RRN3: variants seen among roughly 807,000 people sequenced by gnomAD.
RRN3 encodes the protein RNA polymerase I-specific transcription initiation factor RRN3.
In RRN3, 38 loss-of-function variants were observed where a neutral mutation model predicts 82.3. The ratio of observed to expected loss-of-function variants is 0.46; its 90% CI spans 0.36 to 0.61. The LOEUF is 0.61. Among genes scored for constraint, RRN3 ranks in the 20% least tolerant of loss-of-function variants. The pLI is 0.00. For synonymous variants in RRN3, 284 were observed against 284.3 expected (o/e 1.00, Z 0.01); for missense variants, 726 against 793.1 (o/e 0.92, Z 1.02).
rs1423623673 is a variant in RRN3 at position 15,073,078 on chromosome 16, T to C, written c.1000A>G (p.Lys334Glu). The C allele has an allele frequency of 1.9e-6, 3 of 1,604,208 alleles. No individual in the cohort carries two copies. In the African/African-American group the frequency reaches 4.0e-5, roughly 22 times the overall value. ...YMKDVCYVDG[K>E]VDNGKTKDLY... ...TCCTTTGTTTTGCCGTTATCAACCT[T>C]ACCTATGGAGAAAATCTGGCATCTC... Residue 334 changes from lysine to glutamate, a missense_variant and splice_region_variant, in exon 12 of 18, where the codon AAG becomes GAG. By Grantham distance (56) the Lys-to-Glu change is moderately conservative (BLOSUM62 1). Coordinates refer to ENST00000198767, the MANE Select transcript of RRN3 (RefSeq NM_018427.5).
intron 3 of RRN3, among the ~76,000 whole-genome samples, chr16:15,089,148 C>CA (rs1370590660): frequency 1.3e-5 from 2 of 151,734 alleles, no homozygotes; most frequent in Non-Finnish European, 2.9e-5. Context: ...ACTGAAAATA[C>CA]AAAAAAATTA....
intron 8 of RRN3, among the ~76,000 whole-genome samples, chr16:15,083,191 G>A (rs1047796241): frequency 6.6e-6 from 1 of 152,174 alleles, no homozygotes. Context: ...ACAAGGTCAG[G>A]CGTTCGATAC....
intron 3 of RRN3, among the ~76,000 whole-genome samples, chr16:15,090,293 T>C (rs1316532185): frequency 6.6e-6 from 1 of 151,072 alleles, no homozygotes; most frequent in African/African-American, 2.4e-5. Flanking sequence ...ATAAGAACAG[T>C]GGACTTAAAT....
chr16:15,088,922 T>A (rs1016362072), intron 3 of RRN3, among the ~76,000 whole-genome samples: 2 of 151,842 alleles, frequency 1.3e-5, no homozygotes, highest in Admixed American at 1.3e-4. Flanking sequence ...GAAAGCTCCA[T>A]GAAAGATGGA....
chr16:15,078,025 T>C (rs1412081099), intron 9 of RRN3, among the ~76,000 whole-genome samples: 3 of 152,212 alleles, frequency 2.0e-5, no homozygotes, highest in Non-Finnish European at 4.4e-5. Flanking sequence ...TGATGCAATA[T>C]TTATTTTGGT....
intron 8 of RRN3, among the ~76,000 whole-genome samples, chr16:15,080,923 G>A (rs536124009): frequency 2.3e-4 from 35 of 151,878 alleles, no homozygotes; most frequent in African/African-American, 8.0e-4. Context: ...TATCAATGGA[G>A]TCATACACAG....
chr16:15,077,312 A>G (rs2045501902), intron 9 of RRN3, among the ~76,000 whole-genome samples: 1 of 152,082 alleles, frequency 6.6e-6, no homozygotes, highest in African/African-American at 2.4e-5. Flanking sequence ...TCCTCCTGTA[A>G]GTCACACATG....
In RRN3 at chr16:15,086,190, T is replaced by C. The variant is rs1277439454; in HGVS notation, c.411A>G (p.Val137=). Residue 137 remains valine (V), a synonymous_variant, in exon 5 of 18, where the codon GTA becomes GTG. Transcript: ENST00000198767. The stretch of plus-strand genomic sequence containing the variant: ...GTCTGAGGAAAACAGTCTGTGCTGA[T>C]ACAAGATTACCAAGAAAAGCCAAAT... The part of the protein sequence containing the change: ...EEYLAFLGNL[V]SAQTVFLRPC... 14 of 1,595,218 alleles carry C rather than the reference T, an allele frequency of 8.8e-6. No homozygotes were observed. The highest frequency in any genetic ancestry group is 8.5e-5 in the Admixed American group (5 of 59,032).
At position 15,072,976 on chromosome 16, in the gene RRN3, T is replaced by C. The variant is rs2045299446; in HGVS notation, c.1102A>G (p.Met368Val). The change falls in exon 12 of 18, where the codon ATG becomes GTG. Residue 368 changes from methionine to valine, a missense_variant. By Grantham distance (21) the Met-to-Val change is conservative (BLOSUM62 1). Transcript: ENST00000198767. The stretch of plus-strand genomic sequence containing the variant: ...AATTTGAAACTACAGAGGTAAAACA[T>C]GAAAAACTGTACATGGCAGGAGGCA... ...THASCHVQFF[M>V]FYLCSFKLGF... The C allele has an allele frequency of 2.5e-6, 4 of 1,613,572 alleles. No homozygotes were observed. Among genetic ancestry groups the C allele is most frequent in the Admixed American group, 3.3e-5 (2 of 59,882 alleles).
At chr16:15,063,706 A>AG (rs1344110625) in intron 16 of RRN3, among the ~76,000 whole-genome samples, 1 of 147,284 alleles carries the variant, frequency 6.8e-6, no homozygotes, top group African/African-American at 2.5e-5. Context: ...CTCTGTCTCA[A>AG]AAAAAAAAAA....
rs111250844 is a variant in RRN3, at chr16:15,061,595, G to C, written c.*149C>G. 1.0e-5 allele frequency: 6 copies of C among 602,786 alleles called. 2 individuals are homozygous for C. Among genetic ancestry groups the C allele is most frequent in the African/African-American group, 9.2e-5 (5 of 54,638 alleles). 37.3% of individuals were successfully genotyped at this position (602,786 alleles called of 1,614,324 possible). On this transcript the variant is annotated 3_prime_UTR_variant, in exon 18 of 18. Transcript: ENST00000198767. ...AAAAAAACCCAGTCTTCAGATGCTT[G>C]ATTCAGTCGAACCTGGAAGTGCCAC...
intron 16 of RRN3, 76 bp downstream of exon 16, chr16:15,065,143 G>T: frequency 6.8e-7 from 1 of 1,461,160 alleles, no homozygotes; most frequent in Non-Finnish European, 9.3e-7. Flanking sequence ...TCCAGCCTGG[G>T]CGACAGAGTG....
intron 13 of RRN3, 68 bp downstream of exon 13, chr16:15,071,053 C>G: frequency 7.2e-7 from 1 of 1,391,878 alleles, no homozygotes; most frequent in Non-Finnish European, 9.8e-7. Flanking sequence ...ATATTTCTGA[C>G]TTGAGACAAT....
At chr16:15,067,093 T>C (rs2045012546) in intron 15 of RRN3, among the ~76,000 whole-genome samples, 1 of 147,196 alleles carries the variant, frequency 6.8e-6, no homozygotes, top group South Asian at 2.2e-4. Context: ...ATTGGTCTCT[T>C]TATGCCTTTT....
chr16:15,092,348 T>C (rs1479452126), intron 2 of RRN3, among the ~76,000 whole-genome samples, 161 bp downstream of exon 2: 1 of 152,182 alleles, frequency 6.6e-6, no homozygotes, highest in Non-Finnish European at 1.5e-5. Context: ...AAAAGGACAC[T>C]ATTACTCTAA....
intron 8 of RRN3, among the ~76,000 whole-genome samples, chr16:15,082,565 C>G (rs148964871): frequency 6.6e-6 from 1 of 151,724 alleles, no homozygotes; most frequent in Admixed American, 6.6e-5. Flanking sequence ...CCCACCTACT[C>G]GGGAGGCTGA....
At chr16:15,083,411 GA>G in intron 8 of RRN3, 101 bp downstream of exon 8, 1 of 1,530,690 alleles carries the variant, frequency 6.5e-7, no homozygotes, top group African/African-American at 1.4e-5. Flanking sequence ...AAAAGAAAAA[GA>G]AAAAGAAAGA....
rs553559987 is a variant in RRN3 at position 15,086,561 on chromosome 16, G to C, written c.253-107C>G. On this transcript the variant is annotated intron_variant, in intron 3 of 17. Transcript: ENST00000198767. ...TATCAAGAATAGGTTGGGGGGAAAA[G>C]GTCACAAACTTGGAAGGAACTCAAA... is the stretch of plus-strand genomic sequence containing the variant. 4.5e-4 allele frequency: 670 copies of C among 1,501,088 alleles called. 1 individual carries two copies. The highest frequency in any genetic ancestry group is 5.7e-4 in the Non-Finnish European group (641 of 1,114,998). 93.0% of individuals were successfully genotyped at this position (1,501,088 alleles called of 1,614,324 possible).
chr16:15,076,619 G>A lies in RRN3; in HGVS notation c.797C>T (p.Ala266Val). ...VNASRQGIED[A>V]EETATQTCGG... ...ACAAGTTTGAGTTGCTGTTTCTTCA[G>A]CATCTTCAATACCCTGCCGGGATGC... Residue 266 changes from alanine (A) to valine (V), a missense_variant, in exon 10 of 18, where the codon GCT becomes GTT. Physicochemically the swap from Ala to Val is moderately conservative, Grantham distance 64. This residue lies in a region of RRN3 where 344 missense variants were observed against 394.5 expected (regional missense o/e 0.87). Transcript: ENST00000198767. The A allele has an allele frequency of 7.4e-6, 12 of 1,612,814 alleles. No individual in the cohort carries two copies. The highest frequency in any genetic ancestry group is 9.3e-6 in the Non-Finnish European group (11 of 1,178,986).
Sources: allele counts gnomAD v4.1 joint callset (sites outside exome capture counted in the v4.1 genomes callset), GRCh38; gene constraint gnomAD v4.1.1; regional missense constraint gnomAD v4.1.1; transcripts MANE v1.5; gene names NCBI Gene and HGNC (gene_info 2026-07-23, HGNC 2026-07-21).